The following CHCHD3 variants were observed in gnomAD, a reference collection of about 807,000 sequenced individuals.
CHCHD3 encodes the protein coiled-coil-helix-coiled-coil-helix domain containing 3, also known as MICOS complex subunit MIC19.
In CHCHD3, 20 loss-of-function variants were observed where a neutral mutation model predicts 38.2. The observed-to-expected ratio is 0.52, with a 90% CI of 0.37 to 0.76. CHCHD3 has a LOEUF of 0.76. Ranked by LOEUF, CHCHD3 falls within the 30% of genes least tolerant of loss-of-function variation. CHCHD3 has a pLI of 0.00. For missense variants in CHCHD3, 245 were observed against 279.2 expected (o/e 0.88, Z 0.87); for synonymous variants, 82 against 100.0 (o/e 0.82, Z 1.07).
intron 3 of CHCHD3, among the ~76,000 whole-genome samples, chr7:133,019,948 T>C (rs1352125604): frequency 6.6e-6 from 1 of 152,132 alleles, no homozygotes; most frequent in Non-Finnish European, 1.5e-5. Context: ...CAACACAATA[T>C]GGTCAGCTAT....
intron 5 of CHCHD3, among the ~76,000 whole-genome samples, chr7:132,879,310 G>A (rs1013308968): frequency 6.6e-6 from 1 of 151,948 alleles, no homozygotes; most frequent in African/African-American, 2.4e-5. Context: ...CACATCACTG[G>A]GTTACTCAAC....
chr7:133,036,153 C>T (rs1180276365), intron 2 of CHCHD3, among the ~76,000 whole-genome samples: 1 of 152,146 alleles, frequency 6.6e-6, no homozygotes, highest in African/African-American at 2.4e-5. Context: ...ACCCCTTTCC[C>T]ATCCTGTTAG....
intron 6 of CHCHD3, among the ~76,000 whole-genome samples, chr7:132,814,091 C>G (rs2117056172): frequency 6.6e-6 from 1 of 152,306 alleles, no homozygotes; most frequent in African/African-American, 2.4e-5. Flanking sequence ...TTAATAGTAG[C>G]AAAATCTCGC....
At chr7:132,799,912 T>G (rs1470962388) in intron 6 of CHCHD3, among the ~76,000 whole-genome samples, 2 of 152,076 alleles carry the variant, frequency 1.3e-5, no homozygotes, top group Non-Finnish European at 2.9e-5. Context: ...TGGCCCTCCC[T>G]ACCCCACACA....
intron 4 of CHCHD3, among the ~76,000 whole-genome samples, chr7:132,947,829 G>A (rs1442992800): frequency 6.6e-6 from 1 of 151,886 alleles, no homozygotes; most frequent in Non-Finnish European, 1.5e-5. Flanking sequence ...GTCAATTTAT[G>A]TAATTAAACA....
chr7:133,001,522 T>C lies in CHCHD3; in HGVS notation c.251+23024A>G, dbSNP rs199847740. ...ATTTTTCAAACTAAAAACTAAGTTG[T>C]TTTTTTTAATTACTTGTTAATCTGA... On this transcript the variant is annotated intron_variant, in intron 3 of 7. Coordinates refer to ENST00000262570, the MANE Select transcript of CHCHD3 (RefSeq NM_017812.4). 1.2e-4 allele frequency among the ~76,000 whole-genome samples: 18 copies of C among 151,758 alleles called. No homozygotes were observed. In the East Asian group the frequency reaches 2.7e-3, roughly 23 times the overall value.
chr7:132,965,664 A>C (rs980764164), intron 4 of CHCHD3, among the ~76,000 whole-genome samples: 27 of 152,174 alleles, frequency 1.8e-4, no homozygotes, highest in Non-Finnish European at 3.8e-4. Context: ...AAATATGTGC[A>C]TACACTGGGC....
chr7:133,011,264 A>G (rs1189501256), intron 3 of CHCHD3, among the ~76,000 whole-genome samples: 1 of 152,212 alleles, frequency 6.6e-6, no homozygotes, highest in African/African-American at 2.4e-5. Flanking sequence ...AACCTAATGA[A>G]GCCATTAGAG....
chr7:132,861,228 G>A (rs181774858), intron 5 of CHCHD3, among the ~76,000 whole-genome samples: 2 of 152,238 alleles, frequency 1.3e-5, no homozygotes, highest in East Asian at 1.9e-4. Context: ...GCCATTTCCC[G>A]AGGAAAACTG....
intron 4 of CHCHD3, among the ~76,000 whole-genome samples, chr7:132,941,472 A>T (rs1018807356): frequency 6.6e-6 from 1 of 152,112 alleles, no homozygotes; most frequent in Admixed American, 6.6e-5. Flanking sequence ...GCCACCCACC[A>T]TAACAGCCAT....
intron 1 of CHCHD3, among the ~76,000 whole-genome samples, chr7:133,078,378 C>A (rs1815064143): frequency 6.6e-6 from 1 of 152,136 alleles, no homozygotes; most frequent in Non-Finnish European, 1.5e-5. Context: ...ATTCTTTATA[C>A]ATTAAGATAA....
chr7:133,003,891 G>A (rs993398026), intron 3 of CHCHD3, among the ~76,000 whole-genome samples: 1 of 151,852 alleles, frequency 6.6e-6, no homozygotes, highest in Non-Finnish European at 1.5e-5. Context: ...AACTTCAAAG[G>A]GTCCTGATGA....
chr7:132,878,101 T>C (rs1222778416), intron 5 of CHCHD3, among the ~76,000 whole-genome samples: 1 of 152,196 alleles, frequency 6.6e-6, no homozygotes, highest in Non-Finnish European at 1.5e-5. Flanking sequence ...GTATCTCAGA[T>C]GTCAGTAGAC....
Position 132,788,172 on chromosome 7 carries a change from C to T in CHCHD3, c.661-2512G>A, listed in dbSNP as rs1326487776. 6.6e-6 allele frequency among the ~76,000 whole-genome samples: 1 copy of T among 152,162 alleles called. No homozygotes were observed. Among genetic ancestry groups the T allele is most frequent in the East Asian group, 1.9e-4 (1 of 5,184 alleles). ...AATTCCAGATATATAGACAACCTCA[C>T]TACATCATGCTTTATTAAATACAAA... On this transcript the variant is annotated intron_variant, in intron 7 of 7. Transcript: ENST00000262570. This position sits in a 1 kb window ranked among gnomAD's most constrained non-coding sequence, Gnocchi z 4.0.
intron 2 of CHCHD3, among the ~76,000 whole-genome samples, chr7:133,036,779 T>C (rs533038671): frequency 2.7e-3 from 409 of 152,318 alleles, no homozygotes; most frequent in Non-Finnish European, 4.4e-3. Context: ...AACTCTTCAA[T>C]TGGAGAACCA....
intron 5 of CHCHD3, among the ~76,000 whole-genome samples, chr7:132,867,522 G>C (rs1480321248): frequency 6.6e-6 from 1 of 152,126 alleles, no homozygotes; most frequent in East Asian, 1.9e-4. Context: ...AGAAAATATG[G>C]TTTAGAATTT....
intron 3 of CHCHD3, among the ~76,000 whole-genome samples, chr7:132,980,371 T>C (rs955125583): frequency 6.6e-6 from 1 of 152,260 alleles, no homozygotes; most frequent in Non-Finnish European, 1.5e-5. Context: ...AATACATTCC[T>C]TTTTTATTTA....
intron 4 of CHCHD3, among the ~76,000 whole-genome samples, chr7:132,939,308 G>A (rs948151075): frequency 6.6e-6 from 1 of 152,148 alleles, no homozygotes; most frequent in Admixed American, 6.5e-5. Context: ...ATCACTCACT[G>A]ACTTGCCCAG....
intron 4 of CHCHD3, among the ~76,000 whole-genome samples, chr7:132,964,484 G>A (rs1290731698): frequency 1.3e-5 from 2 of 152,160 alleles, no homozygotes; most frequent in Non-Finnish European, 2.9e-5. Context: ...AGGAGGCTGA[G>A]GCAGGAGAAT....
Sources: gnomAD v4.1 joint callset for allele counts (sites outside exome capture counted in the v4.1 genomes callset) on GRCh38, gnomAD v4.1.1 for gene constraint, Gnocchi (gnomAD v3.1) non-coding constraint, MANE v1.5 for transcripts, NCBI Gene and HGNC (gene_info 2026-07-23, HGNC 2026-07-21) for gene names.